Variants in ASIC2 observed in about 807,000 individuals in gnomAD.
ASIC2 encodes acid-sensing ion channel 2.
Under a neutral mutation model 57.3 loss-of-function variants are expected in ASIC2, and 25 were observed. That is an observed-to-expected ratio of 0.44 (90% CI 0.32 to 0.61). The LOEUF is 0.61. Among genes scored for constraint, ASIC2 ranks in the 20% least tolerant of loss-of-function variants. The pLI is 0.06. For synonymous variants in ASIC2, 319 were observed against 307.5 expected (o/e 1.04, Z -0.39); for missense variants, 641 against 738.1 (o/e 0.87, Z 1.52).
At chr17:33,485,689 G>A (rs536427391) in intron 1 of ASIC2, among the ~76,000 whole-genome samples, 15 of 152,180 alleles carry the variant, frequency 9.9e-5, no homozygotes, top group East Asian at 3.9e-4. Context: ...CCTCTCAGAG[G>A]GCCTCATCAT....
chr17:33,651,529 C>G (rs1906919445), intron 1 of ASIC2, among the ~76,000 whole-genome samples: 1 of 152,196 alleles, frequency 6.6e-6, no homozygotes, highest in South Asian at 2.1e-4. Flanking sequence ...TCAATTAGGA[C>G]TCAGCATCAG....
chr17:34,006,950 C>T (rs1485808368), intron 1 of ASIC2, among the ~76,000 whole-genome samples: 1 of 152,206 alleles, frequency 6.6e-6, no homozygotes, highest in African/African-American at 2.4e-5. Context: ...AACGCCTGAT[C>T]ATCCAGTGGT....
At chr17:33,050,181 G>A (rs531708480) in intron 3 of ASIC2, among the ~76,000 whole-genome samples, 1 of 152,290 alleles carries the variant, frequency 6.6e-6, no homozygotes, top group Non-Finnish European at 1.5e-5. Context: ...ACCTGAACGT[G>A]GCCGCTGGGA....
rs532880323 is a variant in ASIC2, at chr17:33,104,749, G to A, written c.859+7168C>T. ...TTCCCTGTGCTATTTTCATGGCAGG[G>A]CTTTTATGACCACATTGTGAACATT... On this transcript the variant is annotated intron_variant, in intron 2 of 9. Transcript: ENST00000225823. Among the ~76,000 whole-genome samples, 5 of 152,316 alleles carry A rather than the reference G, an allele frequency of 3.3e-5. No individual in the cohort carries two copies. In the East Asian group the frequency reaches 7.7e-4, roughly 23 times the overall value.
At chr17:33,268,883 C>T (rs1326820654) in intron 1 of ASIC2, among the ~76,000 whole-genome samples, 1 of 152,210 alleles carries the variant, frequency 6.6e-6, no homozygotes, top group Non-Finnish European at 1.5e-5. Context: ...CCACCCCCAA[C>T]ACACTTGCTC....
intron 1 of ASIC2, among the ~76,000 whole-genome samples, chr17:33,939,471 C>T (rs1471942985): frequency 6.6e-6 from 1 of 152,206 alleles, no homozygotes; most frequent in African/African-American, 2.4e-5. Context: ...GGTCACAAAG[C>T]ATGTCAGCTG....
chr17:33,070,115 CA>C (rs1438014509), intron 3 of ASIC2, among the ~76,000 whole-genome samples: 1 of 152,142 alleles, frequency 6.6e-6, no homozygotes, highest in African/African-American at 2.4e-5. Flanking sequence ...TATAGCACTT[CA>C]GGCAGAGTAG....
chr17:33,768,884 G>A (rs1911012043), intron 1 of ASIC2, among the ~76,000 whole-genome samples: 1 of 152,102 alleles, frequency 6.6e-6, no homozygotes, highest in African/African-American at 2.4e-5. Flanking sequence ...GACTTTGGGG[G>A]AAGACGACTT....
chr17:33,045,234 G>A (rs1003225035), intron 3 of ASIC2, among the ~76,000 whole-genome samples: 3 of 152,094 alleles, frequency 2.0e-5, no homozygotes, highest in South Asian at 2.1e-4. Flanking sequence ...AGCAGGTCTC[G>A]CCCCTGTTAA....
intron 1 of ASIC2, among the ~76,000 whole-genome samples, chr17:33,436,723 A>G (rs1429776350): frequency 6.6e-6 from 1 of 152,108 alleles, no homozygotes; most frequent in African/African-American, 2.4e-5. Flanking sequence ...CTTTACCGCA[A>G]TACCACAGTC....
At chr17:33,662,098 C>T (rs1907286658) in intron 1 of ASIC2, among the ~76,000 whole-genome samples, 1 of 152,126 alleles carries the variant, frequency 6.6e-6, no homozygotes, top group Non-Finnish European at 1.5e-5. Flanking sequence ...GTTTAATCCT[C>T]ACCAGAAAAT....
At chr17:33,840,992 A>G (rs1307874481) in intron 1 of ASIC2, among the ~76,000 whole-genome samples, 1 of 152,204 alleles carries the variant, frequency 6.6e-6, no homozygotes, top group African/African-American at 2.4e-5. Flanking sequence ...CAGACTTTAT[A>G]GCAAGTGGAG....
chr17:33,028,702 A>G (rs1308292286), intron 3 of ASIC2, among the ~76,000 whole-genome samples: 1 of 151,946 alleles, frequency 6.6e-6, no homozygotes, highest in East Asian at 1.9e-4. Context: ...TATCTTTTAT[A>G]ATCTTCCCAT....
intron 1 of ASIC2, among the ~76,000 whole-genome samples, chr17:33,392,452 A>G (rs1330820544): frequency 6.6e-6 from 1 of 151,976 alleles, no homozygotes. Context: ...TTTAGTAGAG[A>G]CGGGGTTTTC....
intron 1 of ASIC2, among the ~76,000 whole-genome samples, chr17:33,354,047 C>T (rs1455254468): frequency 6.6e-6 from 1 of 152,094 alleles, no homozygotes; most frequent in Non-Finnish European, 1.5e-5. Flanking sequence ...ATGGTGCGGG[C>T]AAGAGGGCAT....
At chr17:33,196,025 C>T (rs1472590854) in intron 1 of ASIC2, among the ~76,000 whole-genome samples, 2 of 152,174 alleles carry the variant, frequency 1.3e-5, no homozygotes, top group Non-Finnish European at 2.9e-5. Context: ...GTGCTGTGTG[C>T]CGGATACCCC....
chr17:33,385,261 TC>T (rs1909629571), intron 1 of ASIC2, among the ~76,000 whole-genome samples: 1 of 152,202 alleles, frequency 6.6e-6, no homozygotes, highest in African/African-American at 2.4e-5. Flanking sequence ...CCTGGGTTTT[TC>T]CCGGGCTCTT....
At chr17:33,884,971 A>T (rs1422872091) in intron 1 of ASIC2, among the ~76,000 whole-genome samples, 1 of 152,220 alleles carries the variant, frequency 6.6e-6, no homozygotes, top group South Asian at 2.1e-4. Context: ...AACATCCTCA[A>T]AGATTTTATA....
Position 33,310,079 on chromosome 17 carries a change from C to T in ASIC2, c.556-198012G>A, listed in dbSNP as rs771018483. Among the ~76,000 whole-genome samples the T allele has an allele frequency of 1.3e-4, 20 of 151,312 alleles. No individual in the cohort carries two copies. The South Asian group carries it at 1.5e-3, about 11-fold the overall frequency. ...TTGTATCCCTGTAATATTAATACTCCGTATTATTGTTATACCATTATTTGA... is the reference window on the plus strand; with the variant it reads ...TTGTATCCCTGTAATATTAATACTCTGTATTATTGTTATACCATTATTTGA... On this transcript the variant is annotated intron_variant, in intron 1 of 9. Coordinates refer to the ASIC2 transcript ENST00000359872.
Sources: allele counts gnomAD v4.1 joint callset (sites outside exome capture counted in the v4.1 genomes callset), GRCh38; gene constraint gnomAD v4.1.1; transcripts MANE v1.5; gene names NCBI Gene and HGNC (gene_info 2026-07-23, HGNC 2026-07-21).